Variants in LIMD1 observed in about 807,000 individuals in gnomAD.
LIMD1 encodes LIM domain-containing protein 1.
LIMD1 carries 23 observed loss-of-function variants against 58.4 expected under a neutral mutation model. The ratio of observed to expected loss-of-function variants is 0.39; its 90% CI spans 0.28 to 0.56. The LOEUF (loss-of-function observed/expected upper bound fraction) is 0.56, where lower values mean the gene tolerates loss of function less well. LIMD1 is among the 20% of genes least tolerant of loss of function. The pLI is 0.57. For missense variants in LIMD1, 838 were observed against 855.5 expected, an observed-to-expected ratio of 0.98 and a Z score of 0.25; for synonymous variants, 334 against 345.5, an observed-to-expected ratio of 0.97 and a Z score of 0.37.
At chr3:45,658,416 G>T (rs1271020268) in intron 2 of LIMD1, among the ~76,000 whole-genome samples, 2 of 151,926 alleles carry the variant, frequency 1.3e-5, no homozygotes, top group Non-Finnish European at 2.9e-5. Flanking sequence ...CTAGCCAGCT[G>T]GGCAATTTTT....
intron 1 of LIMD1, among the ~76,000 whole-genome samples, chr3:45,624,634 A>G (rs1438827800): frequency 6.6e-6 from 1 of 152,140 alleles, no homozygotes; most frequent in African/African-American, 2.4e-5. Flanking sequence ...GAGGCAGGAG[A>G]ATGGCGTGAA....
chr3:45,618,883 G>GT (rs1701603049), intron 1 of LIMD1, among the ~76,000 whole-genome samples: 1 of 152,200 alleles, frequency 6.6e-6, no homozygotes, highest in Non-Finnish European at 1.5e-5. Context: ...GTGGTCCTTA[G>GT]GTTCAGCAAG....
intron 2 of LIMD1, among the ~76,000 whole-genome samples, chr3:45,641,845 G>A (rs1701846547): frequency 6.6e-6 from 1 of 152,206 alleles, no homozygotes; most frequent in South Asian, 2.1e-4. Context: ...GTGGGATTTT[G>A]AGAAGCAATT....
chr3:45,651,916 GC>G (rs1701977951), intron 2 of LIMD1, among the ~76,000 whole-genome samples: 1 of 146,790 alleles, frequency 6.8e-6, no homozygotes. Flanking sequence ...ATAGGCGTGA[GC>G]CACCGCACCC....
chr3:45,631,234 A>G (rs77356075), intron 1 of LIMD1, among the ~76,000 whole-genome samples: 1 of 151,854 alleles, frequency 6.6e-6, no homozygotes, highest in African/African-American at 2.4e-5. Flanking sequence ...AAATCCAAAG[A>G]AAAAAATATC....
intron 2 of LIMD1, among the ~76,000 whole-genome samples, chr3:45,643,024 G>T (rs1477528405): frequency 6.6e-6 from 1 of 152,192 alleles, no homozygotes; most frequent in Non-Finnish European, 1.5e-5. Context: ...TGGGAGGGAG[G>T]TCTGTGGAGA....
At chr3:45,666,179 C>G (rs1697515986) in intron 3 of LIMD1, among the ~76,000 whole-genome samples, 1 of 152,184 alleles carries the variant, frequency 6.6e-6, no homozygotes, top group Admixed American at 6.5e-5. Flanking sequence ...CCCTCACGTA[C>G]CAGCCCCTCA....
rs1455606098 is a variant in LIMD1, at chr3:45,678,770, A to G, written c.*1711A>G. 6.6e-6 allele frequency: 1 copy of G among 152,250 alleles called. No individual in the cohort carries two copies. The highest frequency in any genetic ancestry group is 1.5e-5 in the Non-Finnish European group (1 of 68,064). The allele number at this position is 152,250 out of a possible 1,614,324, so 9.4% of individuals were successfully genotyped here. A position where few individuals can be genotyped will look rare whatever the true frequency, so the allele number is the denominator to read the frequency against. On this transcript the variant is annotated 3_prime_UTR_variant, in exon 8 of 8. Coordinates refer to ENST00000273317, the MANE Select transcript of LIMD1 (RefSeq NM_014240.3). The stretch of plus-strand genomic sequence containing the variant: ...TTGGGCCCGGCTCCACTTCTAGGCC[A>G]TGTTTTGACTCATTTGGTAACCATT...
chr3:45,654,812 CAAAA>C (rs1227980901), intron 2 of LIMD1, among the ~76,000 whole-genome samples: 21 of 56,512 alleles, frequency 3.7e-4, no homozygotes, highest in African/African-American at 1.2e-3. Flanking sequence ...GACCCTGTCT[CAAAA>C]AAAAAAAAAA....
intron 1 of LIMD1, among the ~76,000 whole-genome samples, chr3:45,615,092 A>C (rs575790489): frequency 1.3e-5 from 2 of 152,298 alleles, no homozygotes; most frequent in East Asian, 3.9e-4. Context: ...AAGAGCATAC[A>C]CATTTAATAA....
At chr3:45,607,825 C>T (rs908955168) in intron 1 of LIMD1, among the ~76,000 whole-genome samples, 1 of 152,182 alleles carries the variant, frequency 6.6e-6, no homozygotes, top group Non-Finnish European at 1.5e-5. Flanking sequence ...ACAATAACAG[C>T]AGCTTCCCTG....
At chr3:45,606,031 T>A (rs13094545) in intron 1 of LIMD1, among the ~76,000 whole-genome samples, 44,883 of 152,072 alleles carry the variant, frequency 0.3, 6,878 homozygotes, top group East Asian at 0.46. Flanking sequence ...GAATAAGGGA[T>A]TTTTAGCTGG....
chr3:45,595,486 A>T lies in LIMD1; in HGVS notation c.607A>T (p.Ser203Cys). The change falls in exon 1 of 8, where the codon AGT becomes TGT. Residue 203 changes from serine to cysteine, a missense_variant. By Grantham distance (112) the Ser-to-Cys change is moderately radical. Transcript: ENST00000273317. ...KPGVSPSIGLSVGSGWPSSPG... is the reference protein window; with the variant it reads ...KPGVSPSIGLCVGSGWPSSPG... Reference sequence around the variant, plus strand: ...AGGAGTGTCCCCCAGCATCGGCCTGAGTGTAGGGAGTGGGTGGCCTAGCTC... The same window carrying T: ...AGGAGTGTCCCCCAGCATCGGCCTGTGTGTAGGGAGTGGGTGGCCTAGCTC... 1.2e-6 allele frequency: 2 copies of T among 1,613,884 alleles called. No homozygotes were observed. The highest frequency in any genetic ancestry group is 1.7e-6 in the Non-Finnish European group (2 of 1,179,904).
intron 1 of LIMD1, among the ~76,000 whole-genome samples, chr3:45,602,118 A>G (rs768565929): frequency 6.6e-6 from 1 of 151,596 alleles, no homozygotes; most frequent in South Asian, 2.1e-4. Context: ...AATTTTTTAT[A>G]TATATGTTTT....
At chr3:45,664,206 A>C (rs183444220) in intron 2 of LIMD1, among the ~76,000 whole-genome samples, 11 of 152,050 alleles carry the variant, frequency 7.2e-5, no homozygotes, top group African/African-American at 2.7e-4. Flanking sequence ...AAGTTTCACC[A>C]TGTTGGCCAG....
intron 2 of LIMD1, among the ~76,000 whole-genome samples, chr3:45,646,849 A>G (rs907146901): frequency 6.6e-5 from 10 of 151,930 alleles, no homozygotes; most frequent in African/African-American, 1.7e-4. Flanking sequence ...TAATTTTTGT[A>G]GAGTTGGAGT....
chr3:45,621,216 T>A (rs553546380), intron 1 of LIMD1, among the ~76,000 whole-genome samples: 120 of 151,722 alleles, frequency 7.9e-4, no homozygotes, highest in African/African-American at 2.6e-3. Flanking sequence ...TCCCCTCCCC[T>A]CTCTTTTTTC....
At chr3:45,637,066 C>T (rs984988629) in intron 2 of LIMD1, among the ~76,000 whole-genome samples, 7 of 152,184 alleles carry the variant, frequency 4.6e-5, no homozygotes, top group African/African-American at 1.4e-4. Flanking sequence ...CACAGGGTGT[C>T]AGGAACAAAG....
chr3:45,685,102 T>G lies in LIMD1; in HGVS notation c.*8043T>G, dbSNP rs1247232081. On this transcript the variant is annotated 3_prime_UTR_variant, in exon 8 of 8. Coordinates refer to ENST00000273317, the MANE Select transcript of LIMD1 (RefSeq NM_014240.3). ...AGCTTCATCTGCAGCTTGGACTGTCTCCATTGGAAGGCCTCTGGCAGATTT... is the reference window on the plus strand; with the variant it reads ...AGCTTCATCTGCAGCTTGGACTGTCGCCATTGGAAGGCCTCTGGCAGATTT... 1 of 152,176 alleles carries G rather than the reference T, an allele frequency of 6.6e-6. No individual in the cohort carries two copies. Among genetic ancestry groups the G allele is most frequent in the Admixed American group, 6.5e-5 (1 of 15,280 alleles). 9.4% of individuals were successfully genotyped at this position (152,176 alleles called of 1,614,324 possible).
Sources: gnomAD v4.1 joint callset for allele counts (sites outside exome capture counted in the v4.1 genomes callset) on GRCh38, gnomAD v4.1.1 for gene constraint, MANE v1.5 for transcripts, NCBI Gene and HGNC (gene_info 2026-07-23, HGNC 2026-07-21) for gene names.